MTCL1: variants seen among roughly 807,000 people sequenced by gnomAD.
MTCL1 encodes microtubule crosslinking factor 1.
Under a neutral mutation model 141.4 loss-of-function variants are expected in MTCL1, and 79 were observed. That is an observed-to-expected ratio of 0.56 (90% CI 0.47 to 0.67). The LOEUF is 0.67. MTCL1 is among the 30% of genes least tolerant of loss of function. MTCL1 has a pLI of 0.00. For synonymous variants in MTCL1, 914 were observed against 875.8 expected (o/e 1.04, Z -0.77); for missense variants, 2,177 against 2,113.9 (o/e 1.03, Z -0.59).
rs1034844007 is a variant in MTCL1, at chr18:8,793,020, C to A, written c.1910C>A (p.Pro637His). The A allele has an allele frequency of 9.9e-6, 16 of 1,613,996 alleles. No homozygotes were observed. In the Admixed American group the frequency reaches 1.5e-4, roughly 15 times the overall value. ...CAGCTCAGGGGCCCCCCCGTTTTAC[C>A]TGAGCAGAGTGTATCCATAGAGGAG... The change falls in exon 8 of 17, where the codon CCT becomes CAT. Residue 637 changes from proline to histidine, a missense_variant. Pro to His is a moderately conservative substitution (Grantham distance 77, BLOSUM62 -2). Transcript: ENST00000359865.
intron 4 of MTCL1, among the ~76,000 whole-genome samples, chr18:8,747,621 C>G (rs976349085): frequency 6.6e-6 from 1 of 152,222 alleles, no homozygotes; most frequent in Admixed American, 6.5e-5. Flanking sequence ...AGGTCCTCCT[C>G]TAAACGTGCA....
rs373292857 is a variant in MTCL1, at chr18:8,752,674, AT to A, written c.358-25157del. ...CAATTGTTAAACACAATAGAATGAT[AT>A]TGAAAAATATTGTCATAAAGACAGT... On this transcript the variant is annotated intron_variant, in intron 4 of 16. Coordinates refer to ENST00000359865, the Ensembl canonical transcript of MTCL1. Among the ~76,000 whole-genome samples, 13 of 152,360 alleles carry A rather than the reference AT, an allele frequency of 8.5e-5. No homozygotes were observed. In the East Asian group the frequency reaches 2.5e-3, roughly 29 times the overall value.
chr18:8,739,941 C>T (rs1244999028), intron 4 of MTCL1, among the ~76,000 whole-genome samples: 1 of 152,232 alleles, frequency 6.6e-6, no homozygotes, highest in Non-Finnish European at 1.5e-5. Context: ...CCATGTTGGC[C>T]AGGATGTTCT....
chr18:8,786,119 C>CCCCGCA (rs555665585), intron 7 of MTCL1, 28 bp downstream of exon 6: 1 of 1,428,830 alleles, frequency 7.0e-7, no homozygotes. Context: ...ATCCCCCCCC[C>CCCCGCA]CCGCCCTCCC....
chr18:8,746,570 C>T (rs893800695), intron 4 of MTCL1, among the ~76,000 whole-genome samples: 2 of 152,130 alleles, frequency 1.3e-5, no homozygotes, highest in Admixed American at 1.3e-4. Context: ...ATTTTCTTGT[C>T]CTATGTGGAG....
At chr18:8,705,569 C>G (rs1248570500), upstream of MTCL1, 122 of 1,099,442 alleles carry the variant, frequency 1.1e-4, 1 homozygote, top group South Asian at 4.9e-3. This position sits in a 1 kb window ranked among gnomAD's most constrained non-coding sequence, Gnocchi z 5.2. Flanking sequence ...GATGAGAGAG[C>G]GCGCGGGGAG....
chr18:8,784,227 C>T, exon 6 of MTCL1: 1 of 1,610,698 alleles, frequency 6.2e-7, no homozygotes, highest in East Asian at 2.2e-5. Flanking sequence ...TGCGACCTGG[C>T]AGCCCACCTG....
At chr18:8,778,388 T>C (rs535609871) in intron 5 of MTCL1, among the ~76,000 whole-genome samples, 19 of 152,398 alleles carry the variant, frequency 1.2e-4, no homozygotes, top group African/African-American at 4.6e-4. Flanking sequence ...TTCAAAACTT[T>C]CTTAGCTTTT....
chr18:8,796,274 G>T lies in MTCL1; in HGVS notation c.2053G>T (p.Glu685Ter). ...CTATGCCTTGAGGTGGAAAGAACTG[G>T]AAATGCACAGCCTGGCTTTGCAAAA... The change falls in exon 9 of 17, where the codon GAA (glutamate) becomes TAA (stop). Residue 685 changes from glutamate (E) to a stop codon, truncating the protein, a stop_gained. Coordinates refer to ENST00000359865, the Ensembl canonical transcript of MTCL1. LOFTEE classifies it high-confidence loss of function. 1 of 1,614,140 alleles carries T rather than the reference G, an allele frequency of 6.2e-7. No individual in the cohort carries two copies.
chr18:8,765,365 C>T lies in MTCL1; in HGVS notation c.358-12468C>T, dbSNP rs78964857. Among the ~76,000 whole-genome samples the T allele has an allele frequency of 1.6e-4, 24 of 152,310 alleles. No homozygotes were observed. The East Asian group carries it at 3.1e-3, about 20-fold the overall frequency. On this transcript the variant is annotated intron_variant, in intron 4 of 16. Transcript: ENST00000359865. Reference sequence around the variant, plus strand: ...GGCAAGAAATGACTGGCTGAACAGACGACTGATTGAAAGAGCAAAAGTACC... The same window carrying T: ...GGCAAGAAATGACTGGCTGAACAGATGACTGATTGAAAGAGCAAAAGTACC...
chr18:8,731,318 A>C (rs1314090780), intron 4 of MTCL1, among the ~76,000 whole-genome samples: 1 of 151,204 alleles, frequency 6.6e-6, no homozygotes, highest in Non-Finnish European at 1.5e-5. Context: ...TCATGCCTCT[A>C]ATCCCAGTAC....
In MTCL1 at chr18:8,807,041, T is replaced by C. The variant is rs1268544533; in HGVS notation, c.2585T>C (p.Leu862Pro). The C allele has an allele frequency of 2.2e-5, 36 of 1,613,302 alleles. No individual in the cohort carries two copies. The highest frequency in any genetic ancestry group is 4.0e-5 in the African/African-American group (3 of 74,884). The change falls in exon 11 of 17, where the codon CTC becomes CCC. Residue 862 changes from leucine (L) to proline (P), a missense_variant. Leu to Pro is a moderately conservative substitution (Grantham distance 98). Coordinates refer to ENST00000359865, the Ensembl canonical transcript of MTCL1. ...GCCTGGGACGTGGAGTGGGCCGTGCTCAAGTGCCGTCTGGAACAGGTACCA... is the reference window on the plus strand; with the variant it reads ...GCCTGGGACGTGGAGTGGGCCGTGCCCAAGTGCCGTCTGGAACAGGTACCA...
Position 8,777,897 on chromosome 18 carries a change from G to A in MTCL1, c.417+5G>A, listed in dbSNP as rs757787641. 21 of 1,612,802 alleles carry A rather than the reference G, an allele frequency of 1.3e-5. No individual in the cohort carries two copies. The highest frequency in any genetic ancestry group is 1.8e-5 in the Non-Finnish European group (21 of 1,179,710). ...GAGAAGAAAACCTTTAACCAGGTAA[G>A]CAGAGGTTTTCATTCTAATGTTACA... On this transcript the variant is annotated splice_donor_5th_base_variant and intron_variant, in intron 5 of 16. Transcript: ENST00000359865.
At chr18:8,735,067 C>A (rs2096268848) in intron 4 of MTCL1, among the ~76,000 whole-genome samples, 1 of 152,120 alleles carries the variant, frequency 6.6e-6, no homozygotes, top group African/African-American at 2.4e-5. Context: ...AGCCAAGGCC[C>A]CAATTTAGCT....
chr18:8,755,866 A>C (rs993804171), intron 4 of MTCL1, among the ~76,000 whole-genome samples: 6 of 152,230 alleles, frequency 3.9e-5, no homozygotes, highest in African/African-American at 1.4e-4. Context: ...TTAGCCAGGC[A>C]TGGTGGCTCA....
chr18:8,777,880 A>T, exon 5 of MTCL1: 1 of 1,613,814 alleles, frequency 6.2e-7, no homozygotes, highest in East Asian at 2.2e-5. Context: ...AGGAGAAGAA[A>T]ACCTTTAACC....
Position 8,779,850 on chromosome 18 carries a change from C to G in MTCL1, c.417+1958C>G, listed in dbSNP as rs544289126. Among the ~76,000 whole-genome samples, 377 of 152,268 alleles carry G rather than the reference C, an allele frequency of 2.5e-3. 3 individuals are homozygous for G. The highest frequency in any genetic ancestry group is 0.02 in the Middle Eastern group (6 of 294). On this transcript the variant is annotated intron_variant, in intron 5 of 16. Transcript: ENST00000359865. The surrounding 1 kb of genome is among the most constrained non-coding windows in gnomAD (Gnocchi z 4.1). ...ATTTTATCAATCCTCAGGTAATCTACAAATTGACCCTTGTTAGAGTATGTC... is the reference window on the plus strand; with the variant it reads ...ATTTTATCAATCCTCAGGTAATCTAGAAATTGACCCTTGTTAGAGTATGTC...
At chr18:8,795,534 T>TTG (rs2075887700) in intron 8 of MTCL1, among the ~76,000 whole-genome samples, 1 of 152,228 alleles carries the variant, frequency 6.6e-6, no homozygotes, top group Non-Finnish European at 1.5e-5. Context: ...CCGGGGGTGT[T>TTG]TAAAAAACAG....
At position 8,822,854 on chromosome 18, in the gene MTCL1, C is replaced by T. The variant is rs1032115523; in HGVS notation, c.3188+1356C>T. Among the ~76,000 whole-genome samples the T allele has an allele frequency of 6.6e-6, 1 of 152,138 alleles. No individual in the cohort carries two copies. The highest frequency in any genetic ancestry group is 1.5e-5 in the Non-Finnish European group (1 of 68,020). On this transcript the variant is annotated intron_variant, in intron 14 of 16. Transcript: ENST00000359865. The surrounding 1 kb of genome is among the most constrained non-coding windows in gnomAD (Gnocchi z 4.6). ...GTTAGGCTTTGGAGCAACTGTACTT[C>T]ACCACTCAAGCCATCAACTTTTATG...
Sources: gnomAD v4.1 joint callset for allele counts (sites outside exome capture counted in the v4.1 genomes callset) on GRCh38, gnomAD v4.1.1 for gene constraint, Gnocchi (gnomAD v3.1) non-coding constraint, MANE v1.5 for transcripts, NCBI Gene and HGNC (gene_info 2026-07-23, HGNC 2026-07-21) for gene names.